The following PHYH variants were observed in gnomAD, a reference collection of about 807,000 sequenced individuals.
PHYH encodes the protein phytanoyl-CoA dioxygenase, peroxisomal.
In PHYH, 32 loss-of-function variants were observed where a neutral mutation model predicts 38.5. That is an observed-to-expected ratio of 0.83 (90% CI 0.63 to 1.12). The LOEUF is 1.12. Ranked by LOEUF, PHYH falls within the 50% of genes most tolerant of loss-of-function variation. PHYH has a pLI of 0.00. For missense variants in PHYH, 426 were observed against 434.8 expected (o/e 0.98, Z 0.18); for synonymous variants, 166 against 157.9 (o/e 1.05, Z -0.38).
rs1247299635 is a variant in PHYH at position 13,288,527 on chromosome 10, G to T, written c.511C>A (p.Arg171Ser). The change falls in exon 6 of 9, where the codon CGT becomes AGT. Residue 171 changes from arginine (R) to serine (S), a missense_variant. Arg to Ser is a moderately radical substitution (Grantham distance 110, BLOSUM62 -1). Coordinates refer to ENST00000263038, the MANE Select transcript of PHYH (RefSeq NM_006214.4). ...KPPDSGKKTSRHPLHQDLHYF... is the reference protein window; with the variant it reads ...KPPDSGKKTSSHPLHQDLHYF... ...TGCAGGTCCTGGTGCAGGGGGTGAC[G>T]GGACGTCTTCTTGCCTGAAAAGAAA... 1 of 1,614,064 alleles carries T rather than the reference G, an allele frequency of 6.2e-7. No homozygotes were observed. Among genetic ancestry groups the T allele is most frequent in the South Asian group, 1.1e-5 (1 of 91,074 alleles).
intron 6 of PHYH, among the ~76,000 whole-genome samples, chr10:13,284,355 A>G (rs999752879): frequency 2.0e-5 from 3 of 152,132 alleles, no homozygotes; most frequent in Non-Finnish European, 4.4e-5. Context: ...AAGAAGTCAC[A>G]TGTTGATATT....
At chr10:13,282,819 C>T (rs1835445948) in intron 7 of PHYH, among the ~76,000 whole-genome samples, 1 of 152,014 alleles carries the variant, frequency 6.6e-6, no homozygotes, top group Non-Finnish European at 1.5e-5. Flanking sequence ...TAAAATGTTA[C>T]TAAACTCGAT....
At chr10:13,282,383 G>A (rs780930474) in intron 7 of PHYH, among the ~76,000 whole-genome samples, 5 of 152,136 alleles carry the variant, frequency 3.3e-5, no homozygotes, top group Admixed American at 6.6e-5. Flanking sequence ...TCAAGGCCAG[G>A]AGTTCGAGAC....
At chr10:13,298,068 CAG>C (rs1229084117) in intron 2 of PHYH, 117 bp downstream of exon 2, 3 of 706,086 alleles carry the variant, frequency 4.2e-6, no homozygotes, top group African/African-American at 1.8e-5. Context: ...GTCCTGGAAA[CAG>C]AGGATTTGTA....
chr10:13,284,858 G>A (rs942926670), intron 6 of PHYH, among the ~76,000 whole-genome samples: 3 of 152,120 alleles, frequency 2.0e-5, no homozygotes, highest in Non-Finnish European at 2.9e-5. Context: ...TGGGAATGAC[G>A]ACATCCCTCT....
At chr10:13,294,908 TC>T (rs1835805123) in intron 3 of PHYH, 1 of 400,946 alleles carries the variant, frequency 2.5e-6, no homozygotes. Flanking sequence ...CAAAGTGGTT[TC>T]CATATATTTC....
intron 3 of PHYH, chr10:13,294,820 C>G (rs1354723962): frequency 3.6e-6 from 2 of 558,300 alleles, no homozygotes; most frequent in Non-Finnish European, 6.4e-6. Flanking sequence ...GTAGGGAAGT[C>G]TTTTTATAAT....
At chr10:13,294,193 C>T (rs1014208632) in intron 4 of PHYH, among the ~76,000 whole-genome samples, 1 of 152,158 alleles carries the variant, frequency 6.6e-6, no homozygotes, top group African/African-American at 2.4e-5. Context: ...CAGAGCGAGA[C>T]TCTGTCTCCA....
In PHYH at chr10:13,299,462, C is replaced by G. The variant is rs557310745; in HGVS notation, c.75+506G>C. 5.0e-6 allele frequency: 5 copies of G among 1,002,678 alleles called. No homozygotes were observed. In the South Asian group the frequency reaches 2.3e-4, roughly 47 times the overall value. 62.1% of individuals were successfully genotyped at this position (1,002,678 alleles called of 1,614,324 possible). A position where few individuals can be genotyped will look rare whatever the true frequency, so the allele number is the denominator to read the frequency against. ...ATAGTGTCTTTATATAACTCAGTGGCAATGCCGTAGTCCAGCAGGGAGGCC... is the reference window on the plus strand; with the variant it reads ...ATAGTGTCTTTATATAACTCAGTGGGAATGCCGTAGTCCAGCAGGGAGGCC... On this transcript the variant is annotated intron_variant, in intron 1 of 8. Coordinates refer to ENST00000263038, the MANE Select transcript of PHYH (RefSeq NM_006214.4).
intron 1 of PHYH, chr10:13,299,303 TTC>T (rs1832675067): frequency 3.8e-6 from 1 of 262,134 alleles, no homozygotes; most frequent in African/African-American, 2.3e-5. Flanking sequence ...TTCTCTCTGT[TTC>T]TCTCTTTTGG....
At chr10:13,293,436 G>A (rs191493302) in intron 4 of PHYH, among the ~76,000 whole-genome samples, 126 of 152,052 alleles carry the variant, frequency 8.3e-4, no homozygotes, top group African/African-American at 3.0e-3. Flanking sequence ...TGAGTAGTTG[G>A]GATTACAGGC....
intron 7 of PHYH, among the ~76,000 whole-genome samples, chr10:13,282,055 G>A (rs1346454214): frequency 6.6e-6 from 1 of 152,126 alleles, no homozygotes; most frequent in African/African-American, 2.4e-5. Context: ...AGACTCGCCT[G>A]GGCAACATAG....
At chr10:13,291,583 G>A (rs1029943504) in intron 5 of PHYH, 34 of 502,932 alleles carry the variant, frequency 6.8e-5, no homozygotes, top group African/African-American at 4.8e-4. Flanking sequence ...GGGCTCAAGT[G>A]ATCCTCCCAC....
At chr10:13,286,149 C>T (rs1002417467) in intron 6 of PHYH, among the ~76,000 whole-genome samples, 2 of 152,048 alleles carry the variant, frequency 1.3e-5, no homozygotes, top group South Asian at 2.1e-4. Flanking sequence ...TGGGCTCAAG[C>T]GATCCTCCCA....
At chr10:13,288,246 T>A (rs1339335732) in intron 6 of PHYH, 114 bp downstream of exon 6, 6 of 934,610 alleles carry the variant, frequency 6.4e-6, no homozygotes, top group Non-Finnish European at 1.0e-5. Context: ...CTTAGGACAA[T>A]GTTTTGCTCA....
intron 7 of PHYH, among the ~76,000 whole-genome samples, chr10:13,281,859 A>G (rs1385857827): frequency 6.6e-6 from 1 of 152,236 alleles, no homozygotes; most frequent in Non-Finnish European, 1.5e-5. Flanking sequence ...CCCTGGTGCC[A>G]TACGGCACTG....
chr10:13,295,834 A>G (rs74554934), intron 2 of PHYH, among the ~76,000 whole-genome samples: 2 of 44,424 alleles, frequency 4.5e-5, no homozygotes, highest in Non-Finnish European at 1.3e-4. Flanking sequence ...CCTGTCTCAA[A>G]AAAAAAAAAA....
chr10:13,283,577 G>T, intron 7 of PHYH, 113 bp downstream of exon 7: 1 of 1,134,024 alleles, frequency 8.8e-7, no homozygotes, highest in South Asian at 1.3e-5. Flanking sequence ...TCTTTAAAAT[G>T]TTAATGCAAT....
chr10:13,299,579 G>C (rs1058596), intron 1 of PHYH: 436,916 of 1,022,586 alleles, frequency 0.43, 97,690 homozygotes, highest in East Asian at 0.68. Flanking sequence ...TGCCTGGGCC[G>C]GTTCCAGGCA....
Sources: allele counts gnomAD v4.1 joint callset (sites outside exome capture counted in the v4.1 genomes callset), GRCh38; gene constraint gnomAD v4.1.1; transcripts MANE v1.5; gene names NCBI Gene and HGNC (gene_info 2026-07-23, HGNC 2026-07-21).